TRDMT1: variants seen among roughly 807,000 people sequenced by gnomAD.
TRDMT1 encodes the protein tRNA aspartic acid methyltransferase 1.
TRDMT1 carries 49 observed loss-of-function variants against 51.2 expected under a neutral mutation model. The ratio of observed to expected loss-of-function variants is 0.96; its 90% confidence interval spans 0.76 to 1.21. The LOEUF (loss-of-function observed/expected upper bound fraction) is 1.21, where lower values mean the gene tolerates loss of function less well. Among genes scored for constraint, TRDMT1 ranks in the 50% most tolerant of loss-of-function variants. The probability of loss-of-function intolerance (pLI) is 0.00; values close to 1 mark genes in which losing one functional copy is unlikely to be tolerated. For synonymous variants in TRDMT1, 187 were observed against 164.6 expected (o/e 1.14, Z -1.04); for missense variants, 534 against 462.3 (o/e 1.16, Z -1.42).
Position 17,168,036 on chromosome 10 carries a change from G to T in TRDMT1, c.251+805C>A, listed in dbSNP as rs1841446513. Among the ~76,000 whole-genome samples, 3 of 152,028 alleles carry T rather than the reference G, an allele frequency of 2.0e-5. No individual in the cohort carries two copies. The South Asian group carries it at 6.2e-4, about 31-fold the overall frequency. On this transcript the variant is annotated intron_variant, in intron 3 of 10. Transcript: ENST00000377799. ...ATATGAATGGAGGCTGGGCATGGTGGCTCCGTGTATAATCCCAGCACTTTG... is the reference window on the plus strand; with the variant it reads ...ATATGAATGGAGGCTGGGCATGGTGTCTCCGTGTATAATCCCAGCACTTTG...
chr10:17,151,527 G>A (rs1318554240), intron 10 of TRDMT1: 9 of 985,100 alleles, frequency 9.1e-6, no homozygotes, highest in Non-Finnish European at 1.1e-5. Flanking sequence ...ACACATGAGG[G>A]ACAGTTGTGT....
chr10:17,193,116 C>T (rs1844914364), intron 1 of TRDMT1, among the ~76,000 whole-genome samples: 3 of 152,166 alleles, frequency 2.0e-5, no homozygotes, highest in Admixed American at 2.0e-4. Context: ...GTAATCCCAG[C>T]ACTTTGGGAG....
intron 3 of TRDMT1, among the ~76,000 whole-genome samples, chr10:17,163,126 A>G (rs1018377705): frequency 2.6e-5 from 4 of 152,210 alleles, no homozygotes; most frequent in Admixed American, 2.6e-4. Flanking sequence ...ACTTAAGCTG[A>G]AGTCTAGATT....
At chr10:17,180,539 CAA>C (rs10627626) in intron 1 of TRDMT1, among the ~76,000 whole-genome samples, 103 of 104,930 alleles carry the variant, frequency 9.8e-4, no homozygotes, top group Non-Finnish European at 1.6e-3. Flanking sequence ...AACTCTGTCT[CAA>C]AAAAAAAAAA....
intron 2 of TRDMT1, among the ~76,000 whole-genome samples, chr10:17,172,315 A>G (rs144351095): frequency 2.0e-5 from 3 of 152,302 alleles, no homozygotes; most frequent in African/African-American, 7.2e-5. Context: ...AAGTATTAAA[A>G]GAAAACAAAC....
chr10:17,144,685 C>T lies in TRDMT1; in HGVS notation c.*4355G>A. 1.0e-6 allele frequency: 1 copy of T among 985,328 alleles called. No homozygotes were observed. The highest frequency in any genetic ancestry group is 1.2e-6 in the Non-Finnish European group (1 of 829,924). 61.0% of individuals were successfully genotyped at this position (985,328 alleles called of 1,614,324 possible). ...AAAGAAATAAATTCACAAGCTAAGA[C>T]ATGAATGGTGATGGAGTTTGGATCT... On this transcript the variant is annotated 3_prime_UTR_variant, in exon 11 of 11. Transcript: ENST00000377799.
chr10:17,185,199 G>A (rs1843726456), intron 1 of TRDMT1, among the ~76,000 whole-genome samples: 1 of 152,154 alleles, frequency 6.6e-6, no homozygotes, highest in African/African-American at 2.4e-5. Context: ...TATTGAAAGT[G>A]CAAAGACTTT....
intron 4 of TRDMT1, among the ~76,000 whole-genome samples, 188 bp from the exon 5 acceptor site, chr10:17,161,736 G>C (rs1840384846): frequency 6.6e-6 from 1 of 152,162 alleles, no homozygotes; most frequent in Non-Finnish European, 1.5e-5. Context: ...ACTTGATAAA[G>C]TTAACATTTG....
chr10:17,187,057 C>T (rs1012544982), intron 1 of TRDMT1, among the ~76,000 whole-genome samples: 3 of 152,068 alleles, frequency 2.0e-5, no homozygotes, highest in Non-Finnish European at 2.9e-5. Context: ...ATTTTCTTCT[C>T]TATTTGTGTA....
At chr10:17,194,961 A>C (rs1201988521) in intron 1 of TRDMT1, among the ~76,000 whole-genome samples, 120 of 151,906 alleles carry the variant, frequency 7.9e-4, no homozygotes, top group Non-Finnish European at 1.5e-3. Flanking sequence ...AAAAAAAAAA[A>C]AAACGCAGAT....
intron 1 of TRDMT1, among the ~76,000 whole-genome samples, chr10:17,178,648 C>A (rs1001273181): frequency 1.4e-5 from 2 of 145,580 alleles, no homozygotes; most frequent in Non-Finnish European, 3.0e-5. Flanking sequence ...TGCACTCCAG[C>A]CTAGATGACA....
Position 17,160,295 on chromosome 10 carries a change from T to C in TRDMT1, c.459+10A>G, listed in dbSNP as rs1439467975. On this transcript the variant is annotated intron_variant, in intron 6 of 10. Transcript: ENST00000377799. ...TAATTTATATAAGCATTTATAACTG[T>C]GATACCTACAGAGGTTGGAGATAAT... The C allele has an allele frequency of 2.0e-6, 3 of 1,494,434 alleles. No individual in the cohort carries two copies. The highest frequency in any genetic ancestry group is 2.8e-5 in the African/African-American group (2 of 70,296). The allele number at this position is 1,494,434 out of a possible 1,614,324, so 92.6% of individuals were successfully genotyped here. A position where few individuals can be genotyped will look rare whatever the true frequency, so the allele number is the denominator to read the frequency against.
rs780057128 is a variant in TRDMT1 at position 17,162,236 on chromosome 10, T to C, written c.253A>G (p.Ile85Val). Residue 85 changes from isoleucine (I) to valine (V), a missense_variant and splice_region_variant, in exon 4 of 11, where the codon ATT (isoleucine) becomes GTT (valine). Transcript: ENST00000377799. ...MSPPCQPFTR[I>V]GRQGDMTDSR... Reference sequence around the variant, plus strand: ...TCAGTCATATCACCCTGCCGGCCAATCCTAAAGGGGTAAAAAAAAAAAAAA... The same window carrying C: ...TCAGTCATATCACCCTGCCGGCCAACCCTAAAGGGGTAAAAAAAAAAAAAA... The C allele has an allele frequency of 7.9e-6, 12 of 1,523,838 alleles. No homozygotes were observed. In the Middle Eastern group the frequency reaches 1.0e-3, roughly 133 times the overall value. 94.4% of individuals were successfully genotyped at this position (1,523,838 alleles called of 1,614,324 possible).
intron 1 of TRDMT1, among the ~76,000 whole-genome samples, chr10:17,184,079 G>A (rs954797488): frequency 6.6e-6 from 1 of 152,174 alleles, no homozygotes; most frequent in South Asian, 2.1e-4. Flanking sequence ...ATGTAGAGCT[G>A]AAAGTAACCT....
chr10:17,177,357 A>G (rs1842745300), intron 1 of TRDMT1, among the ~76,000 whole-genome samples: 1 of 151,844 alleles, frequency 6.6e-6, no homozygotes, highest in Non-Finnish European at 1.5e-5. Flanking sequence ...ACTTGCCACC[A>G]CACCCAGCTA....
intron 1 of TRDMT1, among the ~76,000 whole-genome samples, chr10:17,187,325 A>T (rs1037874304): frequency 6.6e-6 from 1 of 152,232 alleles, no homozygotes; most frequent in Non-Finnish European, 1.5e-5. Context: ...AAAAATTAAG[A>T]TAACAATTTC....
At position 17,146,143 on chromosome 10, in the gene TRDMT1, T is replaced by C. The variant is rs773021110; in HGVS notation, c.*2897A>G. ...TAAATAACTTTACCTCTTTGAAAAG[T>C]TGGATAATTTCAAGCAACAGTTTAC... On this transcript the variant is annotated 3_prime_UTR_variant, in exon 11 of 11. Coordinates refer to ENST00000377799, the MANE Select transcript of TRDMT1 (RefSeq NM_004412.7). The C allele has an allele frequency of 5.1e-6, 5 of 985,306 alleles. No homozygotes were observed. Among genetic ancestry groups the C allele is most frequent in the Admixed American group, 6.2e-5 (1 of 16,260 alleles). The allele number at this position is 985,306 out of a possible 1,614,324, so 61.0% of individuals were successfully genotyped here. A position where few individuals can be genotyped will look rare whatever the true frequency, so the allele number is the denominator to read the frequency against.
At chr10:17,176,242 T>A (rs1842604275) in intron 1 of TRDMT1, among the ~76,000 whole-genome samples, 1 of 152,216 alleles carries the variant, frequency 6.6e-6, no homozygotes, top group African/African-American at 2.4e-5. Context: ...TTGTTAAATA[T>A]GTTGTAATCA....
At chr10:17,188,640 C>T (rs552687504) in intron 1 of TRDMT1, among the ~76,000 whole-genome samples, 1 of 152,286 alleles carries the variant, frequency 6.6e-6, no homozygotes, top group South Asian at 2.1e-4. Context: ...TCTACTTTCT[C>T]ATGTGCCTCT....
Sources: allele counts gnomAD v4.1 joint callset (sites outside exome capture counted in the v4.1 genomes callset), GRCh38; gene constraint gnomAD v4.1.1; transcripts MANE v1.5; gene names NCBI Gene and HGNC (gene_info 2026-07-23, HGNC 2026-07-21).